The following LRRC3B variants were observed in gnomAD, a reference collection of about 807,000 sequenced individuals.
LRRC3B encodes the protein leucine rich repeat containing 3B, also known as leucine-rich repeat-containing protein 3B.
LRRC3B carries 2 observed loss-of-function variants against 12.8 expected under a neutral mutation model. The observed-to-expected ratio is 0.16, with a 90% CI of 0.06 to 0.49. LRRC3B has a LOEUF of 0.49. LRRC3B is among the 20% of genes least tolerant of loss of function. The pLI, the probability that LRRC3B is intolerant of heterozygous loss-of-function variation, is 0.96. For missense variants in LRRC3B, 189 were observed against 319.4 expected (o/e 0.59, Z 3.11); for synonymous variants, 132 against 122.0 (o/e 1.08, Z -0.54).
At chr3:26,709,467 C>A in intron 1 of LRRC3B, 46 bp from the exon 2 acceptor site, 1 of 593,970 alleles carries the variant, frequency 1.7e-6, no homozygotes, top group Non-Finnish European at 3.0e-6. Flanking sequence ...TACAATGTAC[C>A]TCCCTTTGCA....
chr3:26,666,159 T>G (rs755835071), intron 1 of LRRC3B, among the ~76,000 whole-genome samples: 1 of 152,002 alleles, frequency 6.6e-6, no homozygotes, highest in Non-Finnish European at 1.5e-5. Flanking sequence ...CTGAGTATGA[T>G]CTGGATCCTA....
At chr3:26,700,581 A>G (rs1018423546) in intron 1 of LRRC3B, among the ~76,000 whole-genome samples, 20 of 152,184 alleles carry the variant, frequency 1.3e-4, no homozygotes, top group African/African-American at 4.6e-4. Flanking sequence ...CTTGCCCCAC[A>G]AGCTTCTAAA....
At chr3:26,635,793 C>G (rs906628011) in intron 1 of LRRC3B, among the ~76,000 whole-genome samples, 2 of 152,132 alleles carry the variant, frequency 1.3e-5, no homozygotes, top group African/African-American at 4.8e-5. Flanking sequence ...ACCAGCCTGG[C>G]ACATAATTGG....
intron 1 of LRRC3B, among the ~76,000 whole-genome samples, chr3:26,679,525 A>T (rs77144366): frequency 0.031 from 4,779 of 152,166 alleles, 116 homozygotes; most frequent in South Asian, 0.049. Context: ...GTCTTCAAAG[A>T]TTGTTTCCTC....
intron 1 of LRRC3B, among the ~76,000 whole-genome samples, chr3:26,636,916 CTCTTTCTTTCTT>C (rs559017147): frequency 0.034 from 2,439 of 70,882 alleles, 150 homozygotes; most frequent in African/African-American, 0.11. Context: ...CTCTCTTTCT[CTCTTTCTTTCTT>C]TCTTTCTTTC....
chr3:26,676,028 G>A (rs1575151436), intron 1 of LRRC3B, among the ~76,000 whole-genome samples: 1 of 149,908 alleles, frequency 6.7e-6, no homozygotes, highest in Non-Finnish European at 1.5e-5. Flanking sequence ...TTTTTGAAGA[G>A]TGTTGGCCAG....
Position 26,695,495 on chromosome 3 carries a change from C to G in LRRC3B, c.-160-14018C>G, listed in dbSNP as rs1700292593. 2.0e-5 allele frequency among the ~76,000 whole-genome samples: 3 copies of G among 151,834 alleles called. No individual in the cohort carries two copies. In the South Asian group the frequency reaches 6.2e-4, roughly 31 times the overall value. On this transcript the variant is annotated intron_variant, in intron 1 of 1. Coordinates refer to ENST00000396641, the Ensembl canonical transcript of LRRC3B. Reference sequence around the variant, plus strand: ...TGAGCTGAGATCGCGCCACTGCAGTCCAGCCTGGGCGACAGAGCCAGACAA... The same window carrying G: ...TGAGCTGAGATCGCGCCACTGCAGTGCAGCCTGGGCGACAGAGCCAGACAA...
intron 1 of LRRC3B, among the ~76,000 whole-genome samples, chr3:26,644,083 TAAAAC>T (rs1167311217): frequency 6.6e-6 from 1 of 152,142 alleles, no homozygotes. Flanking sequence ...ATTAGAAAAA[TAAAAC>T]AAGCATAACA....
At chr3:26,657,815 G>C (rs1344928932) in intron 1 of LRRC3B, among the ~76,000 whole-genome samples, 1 of 152,102 alleles carries the variant, frequency 6.6e-6, no homozygotes, top group African/African-American at 2.4e-5. Flanking sequence ...ATGAATCGAC[G>C]GGCATAGCCT....
At chr3:26,632,769 T>C (rs1442727810) in intron 1 of LRRC3B, among the ~76,000 whole-genome samples, 1 of 152,078 alleles carries the variant, frequency 6.6e-6, no homozygotes, top group Non-Finnish European at 1.5e-5. Context: ...TGGATTAGCA[T>C]CCAAGATGGA....
chr3:26,667,079 A>AT (rs59880034), intron 1 of LRRC3B, among the ~76,000 whole-genome samples: 54,551 of 144,462 alleles, frequency 0.38, 13,106 homozygotes, highest in African/African-American at 0.66. Context: ...TCCCTCTGTG[A>AT]TTTTTTTTTA....
At chr3:26,636,929 T>C (rs1234680214) in intron 1 of LRRC3B, among the ~76,000 whole-genome samples, 1 of 79,234 alleles carries the variant, frequency 1.3e-5, no homozygotes, top group Non-Finnish European at 2.3e-5. Flanking sequence ...TTTCTTTCTT[T>C]CTTTCTTTCT....
At chr3:26,648,746 G>A (rs1699204527) in intron 1 of LRRC3B, among the ~76,000 whole-genome samples, 1 of 152,190 alleles carries the variant, frequency 6.6e-6, no homozygotes, top group African/African-American at 2.4e-5. Context: ...TGCTTGATTT[G>A]TAATGTTTAA....
intron 1 of LRRC3B, among the ~76,000 whole-genome samples, chr3:26,671,122 T>G (rs1227302359): frequency 7.2e-6 from 1 of 139,264 alleles, no homozygotes; most frequent in African/African-American, 2.7e-5. Context: ...TTCACGCCAT[T>G]CTCCTGCCTC....
intron 1 of LRRC3B, among the ~76,000 whole-genome samples, chr3:26,665,457 C>T (rs1575140590): frequency 1.3e-5 from 2 of 152,004 alleles, no homozygotes; most frequent in Admixed American, 1.3e-4. Flanking sequence ...GTTTTTCTTC[C>T]CAGCTTACTT....
chr3:26,671,307 G>A (rs1378412710), intron 1 of LRRC3B, among the ~76,000 whole-genome samples: 14 of 137,374 alleles, frequency 1.0e-4, no homozygotes, highest in South Asian at 2.4e-4. Context: ...GAGCCACCGC[G>A]CCCGGCCTCA....
intron 1 of LRRC3B, among the ~76,000 whole-genome samples, chr3:26,673,024 A>C (rs903447832): frequency 1.3e-5 from 2 of 152,250 alleles, no homozygotes; most frequent in Non-Finnish European, 2.9e-5. Context: ...GTCCAGTCTC[A>C]TAGCACCTGA....
chr3:26,670,235 A>G (rs1466916055), intron 1 of LRRC3B, among the ~76,000 whole-genome samples: 1 of 152,344 alleles, frequency 6.6e-6, no homozygotes, highest in African/African-American at 2.4e-5. Context: ...TCATTTCCTC[A>G]CTTTGCCTTG....
At chr3:26,628,845 TAA>T (rs5847410) in intron 1 of LRRC3B, among the ~76,000 whole-genome samples, 3,918 of 136,990 alleles carry the variant, frequency 0.029, 60 homozygotes, top group Middle Eastern at 0.067. Flanking sequence ...GAGTAAATAC[TAA>T]AAAAAAAAAA....
Sources: allele counts gnomAD v4.1 joint callset (sites outside exome capture counted in the v4.1 genomes callset), GRCh38; gene constraint gnomAD v4.1.1; transcripts MANE v1.5; gene names NCBI Gene and HGNC (gene_info 2026-07-23, HGNC 2026-07-21).